The following ART3 variants were observed in gnomAD, a reference collection of about 807,000 sequenced individuals.
ART3 encodes the protein ADP-ribosyltransferase 3 (inactive).
A neutral mutation model predicts 48.5 loss-of-function variants in ART3; 49 were observed. The observed-to-expected ratio is 1.01, with a 90% confidence interval of 0.80 to 1.28. ART3 has a LOEUF of 1.28. Ranked by LOEUF, ART3 falls within the 50% of genes most tolerant of loss-of-function variation. The probability of loss-of-function intolerance (pLI) is 0.00; values close to 1 mark genes in which losing one functional copy is unlikely to be tolerated. For synonymous variants in ART3, 145 were observed against 157.2 expected (o/e 0.92, Z 0.58); for missense variants, 438 against 454.3 (o/e 0.96, Z 0.33).
At chr4:76,025,321 A>C (rs1560579509) in intron 1 of ART3, among the ~76,000 whole-genome samples, 1 of 152,224 alleles carries the variant, frequency 6.6e-6, no homozygotes, top group Non-Finnish European at 1.5e-5. Flanking sequence ...GTTCAACATT[A>C]AACAATCAAA....
intron 2 of ART3, among the ~76,000 whole-genome samples, chr4:76,076,904 G>A (rs1721213152): frequency 6.6e-6 from 1 of 151,738 alleles, no homozygotes; most frequent in South Asian, 2.1e-4. Flanking sequence ...CATTTTAGAT[G>A]CCTTTTTAAA....
chr4:76,023,889 A>G (rs1733124408), intron 1 of ART3, among the ~76,000 whole-genome samples: 1 of 152,232 alleles, frequency 6.6e-6, no homozygotes, highest in African/African-American at 2.4e-5. Flanking sequence ...CATCCTTTAT[A>G]GGTAAACCTA....
At position 76,112,581 on chromosome 4, in the gene ART3, A is replaced by T; in HGVS notation, c.*62A>T. The T allele has an allele frequency of 6.1e-6, 9 of 1,480,270 alleles. No individual in the cohort carries two copies. The highest frequency in any genetic ancestry group is 8.2e-6 in the Non-Finnish European group (9 of 1,102,970). The allele number at this position is 1,480,270 out of a possible 1,614,324, so 91.7% of individuals were successfully genotyped here. On this transcript the variant is annotated 3_prime_UTR_variant, in exon 12 of 12. Transcript: ENST00000355810. ...AAATAACTATAGGGATCCACAGGAG[A>T]TCAAAAGGAATGATGTATTTTTTAC... is the stretch of plus-strand genomic sequence containing the variant.
chr4:76,095,848 C>T (rs1725889797), intron 3 of ART3, among the ~76,000 whole-genome samples: 1 of 152,180 alleles, frequency 6.6e-6, no homozygotes, highest in Non-Finnish European at 1.5e-5. Flanking sequence ...ATCCACAATT[C>T]CCCTCACCTT....
intron 1 of ART3, among the ~76,000 whole-genome samples, chr4:76,068,601 G>A (rs1236368773): frequency 6.6e-6 from 1 of 152,044 alleles, no homozygotes; most frequent in Non-Finnish European, 1.5e-5. Flanking sequence ...ACAAAGGGGG[G>A]ACCAACAGGC....
rs1026102687 is a variant in ART3, at chr4:76,105,573, G to T, written c.1003+944G>T. On this transcript the variant is annotated intron_variant, in intron 10 of 11. Coordinates refer to ENST00000355810, the MANE Select transcript of ART3 (RefSeq NM_001130016.3). ...AAACCTGGTAATATATTCTTTATTG[G>T]GGGTGGAGGCACCATGGATTCTAAG... The T allele has an allele frequency of 4.7e-6, 6 of 1,287,314 alleles. No homozygotes were observed. In the East Asian group the frequency reaches 3.3e-4, roughly 72 times the overall value. 79.7% of individuals were successfully genotyped at this position (1,287,314 alleles called of 1,614,324 possible).
At chr4:76,014,891 G>T (rs1446995174) in intron 1 of ART3, among the ~76,000 whole-genome samples, 1 of 152,110 alleles carries the variant, frequency 6.6e-6, no homozygotes, top group Non-Finnish European at 1.5e-5. Context: ...AGAGGGCAGT[G>T]AAACAACATG....
intron 1 of ART3, among the ~76,000 whole-genome samples, chr4:76,026,119 C>T (rs1192549958): frequency 6.6e-6 from 1 of 151,690 alleles, no homozygotes; most frequent in Admixed American, 6.6e-5. Flanking sequence ...GTCAGTGGCC[C>T]ATACACTGGC....
intron 1 of ART3, among the ~76,000 whole-genome samples, chr4:76,030,321 GC>G (rs1454255723): frequency 4.6e-5 from 7 of 152,232 alleles, no homozygotes; most frequent in Non-Finnish European, 8.8e-5. Context: ...CTCCCAAAGT[GC>G]TGGGATTACA....
chr4:76,017,472 T>G (rs1732374350), intron 1 of ART3, among the ~76,000 whole-genome samples: 1 of 151,916 alleles, frequency 6.6e-6, no homozygotes, highest in African/African-American at 2.4e-5. Context: ...GTCCTCTTTA[T>G]TCTTCCCTCT....
At position 76,012,550 on chromosome 4, in the gene ART3, C is replaced by T. The variant is rs141142192; in HGVS notation, c.-10+1230C>T. Among the ~76,000 whole-genome samples the T allele has an allele frequency of 1.3e-3, 197 of 152,282 alleles. 3 individuals carry two copies. Among genetic ancestry groups the T allele is most frequent in the African/African-American group, 4.4e-3 (182 of 41,554 alleles). On this transcript the variant is annotated intron_variant, in intron 1 of 9. Coordinates refer to the ART3 transcript ENST00000341029. The stretch of plus-strand genomic sequence containing the variant: ...TTTTATATCCTGTCTGCATCTAAGT[C>T]ACTAAGAGAAAGGACCAAGTTCTTC...
At chr4:76,067,896 T>G (rs965561750) in intron 1 of ART3, among the ~76,000 whole-genome samples, 4 of 152,198 alleles carry the variant, frequency 2.6e-5, no homozygotes, top group African/African-American at 9.7e-5. Context: ...GCTTGGTCTT[T>G]GGCTGATAGA....
chr4:76,034,359 G>A (rs1415452622), intron 1 of ART3: 4 of 423,076 alleles, frequency 9.5e-6, no homozygotes, highest in Non-Finnish European at 1.2e-5. Context: ...GATCAATACA[G>A]ACAGATGACT....
chr4:76,026,557 A>G (rs934841911), intron 1 of ART3, among the ~76,000 whole-genome samples: 1 of 152,266 alleles, frequency 6.6e-6, no homozygotes, highest in South Asian at 2.1e-4. Flanking sequence ...TAAGAAGACT[A>G]TAATTTCCCC....
At chr4:76,044,386 G>A (rs1292524782) in intron 1 of ART3, among the ~76,000 whole-genome samples, 1 of 152,038 alleles carries the variant, frequency 6.6e-6, no homozygotes, top group Non-Finnish European at 1.5e-5. Context: ...TTTTTGGAGA[G>A]TCACTGCTGC....
At chr4:76,034,963 T>C in intron 1 of ART3, 1 of 1,416,688 alleles carries the variant, frequency 7.1e-7, no homozygotes, top group Non-Finnish European at 9.9e-7. Flanking sequence ...AGAATCTTTC[T>C]GTAGTTGTCC....
chr4:76,035,188 T>C, intron 1 of ART3: 1 of 1,614,002 alleles, frequency 6.2e-7, no homozygotes, highest in African/African-American at 1.3e-5. Context: ...CCTGCACCAT[T>C]GTCATCTTCA....
At chr4:76,064,755 T>C (rs1719551305) in intron 1 of ART3, among the ~76,000 whole-genome samples, 1 of 151,968 alleles carries the variant, frequency 6.6e-6, no homozygotes, top group South Asian at 2.1e-4. Flanking sequence ...ATATTGAAAG[T>C]GGATGCTTTA....
rs1201165483 is a variant in ART3 at position 76,112,652 on chromosome 4, AT to A, written c.*135del. 9.1e-7 allele frequency: 1 copy of A among 1,096,052 alleles called. No individual in the cohort carries two copies. The highest frequency in any genetic ancestry group is 2.8e-5 in the East Asian group (1 of 35,742). The allele number at this position is 1,096,052 out of a possible 1,614,324, so 67.9% of individuals were successfully genotyped here. ...ATAAAATGAGAATTGTATATTTGTT[AT>A]TCATTTTGCAAATTCAGAAAGTTGG... On this transcript the variant is annotated 3_prime_UTR_variant, in exon 12 of 12. Transcript: ENST00000355810.
Sources: gnomAD v4.1 joint callset for allele counts (sites outside exome capture counted in the v4.1 genomes callset) on GRCh38, gnomAD v4.1.1 for gene constraint, MANE v1.5 for transcripts, NCBI Gene and HGNC (gene_info 2026-07-23, HGNC 2026-07-21) for gene names.